Variants in BMF observed in about 807,000 individuals in gnomAD.
BMF encodes bcl-2-modifying factor.
Under a neutral mutation model 22.0 loss-of-function variants are expected in BMF, and 10 were observed. That is an observed-to-expected ratio of 0.45 (90% CI 0.28 to 0.77). The LOEUF (loss-of-function observed/expected upper bound fraction) is 0.77, where lower values mean the gene tolerates loss of function less well. Among genes scored for constraint, BMF ranks in the 30% least tolerant of loss-of-function variants. BMF has a pLI of 0.13. For missense variants in BMF, 206 were observed against 226.8 expected, an observed-to-expected ratio of 0.91 and a Z score of 0.59; for synonymous variants, 87 against 88.1, an observed-to-expected ratio of 0.99 and a Z score of 0.07.
chr15:40,104,418 G>C (rs1595485212), intron 3 of BMF, 78 bp from the exon 4 acceptor site: 2 of 1,555,858 alleles, frequency 1.3e-6, no homozygotes, highest in East Asian at 2.3e-5. Context: ...ACCTGGCCAA[G>C]ATTGGAGGCT....
chr15:40,104,822 G>C (rs1595485600), intron 3 of BMF, among the ~76,000 whole-genome samples: 1 of 152,176 alleles, frequency 6.6e-6, no homozygotes, highest in Non-Finnish European at 1.5e-5. Context: ...CTGGTCTCCC[G>C]AAGCTCCTGG....
At chr15:40,093,221 G>T (rs2036281830) in intron 4 of BMF, among the ~76,000 whole-genome samples, 1 of 152,224 alleles carries the variant, frequency 6.6e-6, no homozygotes, top group African/African-American at 2.4e-5. Context: ...GCCACAAAAA[G>T]AGAGGCATCC....
Position 40,088,757 on chromosome 15 carries a change from G to A in BMF, c.*3030C>T, listed in dbSNP as rs949875116. 6.6e-6 allele frequency: 1 copy of A among 152,322 alleles called. No homozygotes were observed. The highest frequency in any genetic ancestry group is 1.5e-5 in the Non-Finnish European group (1 of 68,120). The allele number at this position is 152,322 out of a possible 1,614,324, so 9.4% of individuals were successfully genotyped here. A position where few individuals can be genotyped will look rare whatever the true frequency, so the allele number is the denominator to read the frequency against. On this transcript the variant is annotated 3_prime_UTR_variant, in exon 5 of 5. Coordinates refer to ENST00000354670, the MANE Select transcript of BMF (RefSeq NM_001003940.2). ...TGGACACAGACCTACTCCCCTGGGG[G>A]CTGAGGGAGGTCACTGGGAGGTGAT... is the stretch of plus-strand genomic sequence containing the variant.
chr15:40,101,947 G>A (rs2036484572), intron 4 of BMF, among the ~76,000 whole-genome samples: 1 of 152,192 alleles, frequency 6.6e-6, no homozygotes, highest in South Asian at 2.1e-4. Context: ...CAGGAGGGTA[G>A]GGGTACAGGA....
intron 4 of BMF, among the ~76,000 whole-genome samples, chr15:40,092,477 C>CA (rs2036259744): frequency 6.7e-6 from 1 of 148,220 alleles, no homozygotes; most frequent in African/African-American, 2.5e-5. Flanking sequence ...ACACACACAC[C>CA]CTTGTGCGCC....
At chr15:40,099,389 A>T (rs1022178849) in intron 4 of BMF, among the ~76,000 whole-genome samples, 1 of 152,202 alleles carries the variant, frequency 6.6e-6, no homozygotes, top group Non-Finnish European at 1.5e-5. Flanking sequence ...ATCTTTTAAC[A>T]TATTTCTAAA....
intron 3 of BMF, among the ~76,000 whole-genome samples, chr15:40,104,918 A>T (rs2036552995): frequency 6.6e-6 from 1 of 152,194 alleles, no homozygotes; most frequent in Non-Finnish European, 1.5e-5. Flanking sequence ...CAAGACCTCT[A>T]GACCAGCGCT....
At chr15:40,096,065 A>G (rs1316791535) in intron 4 of BMF, among the ~76,000 whole-genome samples, 2 of 152,212 alleles carry the variant, frequency 1.3e-5, no homozygotes, top group South Asian at 2.1e-4. Flanking sequence ...GGCCAGGAAC[A>G]ACTGATGTCT....
chr15:40,105,657 G>A (rs1362221300), intron 3 of BMF, 138 bp downstream of exon 3: 10 of 1,071,148 alleles, frequency 9.3e-6, no homozygotes, highest in Non-Finnish European at 1.3e-5. Context: ...CCGAGAGGCA[G>A]CAGGTGGAAG....
intron 4 of BMF, among the ~76,000 whole-genome samples, chr15:40,094,513 G>A (rs752107054): frequency 1.3e-5 from 2 of 152,138 alleles, no homozygotes; most frequent in East Asian, 1.9e-4. Context: ...CCTGGCTTTC[G>A]GGTTGGATCT....
chr15:40,099,874 T>C (rs1289098768), intron 4 of BMF, among the ~76,000 whole-genome samples: 1 of 151,114 alleles, frequency 6.6e-6, no homozygotes, highest in Admixed American at 6.6e-5. Flanking sequence ...TTTTAACAGA[T>C]CTGCCTACAA....
At chr15:40,107,171 C>T (rs897194459) in intron 2 of BMF, among the ~76,000 whole-genome samples, 2 of 152,202 alleles carry the variant, frequency 1.3e-5, no homozygotes, top group African/African-American at 4.8e-5. Context: ...CTGCTTAGGG[C>T]CCCTGCAGCA....
chr15:40,092,326 A>AG (rs957455526), intron 4 of BMF, among the ~76,000 whole-genome samples: 15 of 152,016 alleles, frequency 9.9e-5, no homozygotes, highest in Admixed American at 7.2e-4. Flanking sequence ...ACAAGGGGAA[A>AG]GGGGGGGCCT....
chr15:40,101,067 C>A (rs2141032202), intron 4 of BMF, among the ~76,000 whole-genome samples: 2 of 152,316 alleles, frequency 1.3e-5, no homozygotes, highest in South Asian at 4.1e-4. Context: ...TGGGGAATGA[C>A]TATCATTCCC....
intron 4 of BMF, among the ~76,000 whole-genome samples, chr15:40,094,888 T>TC (rs765821447): frequency 1.3e-5 from 2 of 152,242 alleles, no homozygotes; most frequent in Non-Finnish European, 2.9e-5. Context: ...GTTGGTGTTT[T>TC]CTTCAGTCCC....
chr15:40,091,062 C>T lies in BMF; in HGVS notation c.*725G>A, dbSNP rs1377016135. 6.5e-6 allele frequency: 1 copy of T among 152,696 alleles called. No individual in the cohort carries two copies. Among genetic ancestry groups the T allele is most frequent in the Non-Finnish European group, 1.5e-5 (1 of 68,096 alleles). 9.5% of individuals were successfully genotyped at this position (152,696 alleles called of 1,614,324 possible). A position where few individuals can be genotyped will look rare whatever the true frequency, so the allele number is the denominator to read the frequency against. ...TGTACCTCAGGACCAATCCTGGGGC[C>T]TCCAAGTGGGACCAAGTCAGTTTTG... On this transcript the variant is annotated 3_prime_UTR_variant, in exon 5 of 5. Transcript: ENST00000354670.
intron 4 of BMF, among the ~76,000 whole-genome samples, chr15:40,100,147 A>T (rs1234542923): frequency 6.6e-6 from 1 of 152,164 alleles, no homozygotes; most frequent in Admixed American, 6.5e-5. Context: ...ATTGCCCAGA[A>T]ATACCCCCAA....
rs1423036435 is a variant in BMF, at chr15:40,106,825, A to C, written c.-5-734T>G. On this transcript the variant is annotated intron_variant, in intron 2 of 4. Transcript: ENST00000354670. This position sits in a 1 kb window ranked among gnomAD's most constrained non-coding sequence, Gnocchi z 4.1. The stretch of plus-strand genomic sequence containing the variant: ...TCTCGGCTCTCTTTGAGCAGAGTTG[A>C]GCTGTCTGCCCACCAAAGTTTGGCC... 6.6e-6 allele frequency among the ~76,000 whole-genome samples: 1 copy of C among 152,150 alleles called. No individual in the cohort carries two copies. The highest frequency in any genetic ancestry group is 2.4e-5 in the African/African-American group (1 of 41,434).
chr15:40,094,268 T>C (rs1025487862), intron 4 of BMF, among the ~76,000 whole-genome samples: 1 of 152,146 alleles, frequency 6.6e-6, no homozygotes, highest in Non-Finnish European at 1.5e-5. Context: ...ACTCCCATCA[T>C]CTGGGAGCGT....
Sources: gnomAD v4.1 joint callset for allele counts (sites outside exome capture counted in the v4.1 genomes callset) on GRCh38, gnomAD v4.1.1 for gene constraint, Gnocchi (gnomAD v3.1) non-coding constraint, MANE v1.5 for transcripts, NCBI Gene and HGNC (gene_info 2026-07-23, HGNC 2026-07-21) for gene names.